AMBRA1: variants seen among roughly 807,000 people sequenced by gnomAD.
The protein encoded by AMBRA1 is activating molecule in BECN1-regulated autophagy protein 1.
A neutral mutation model predicts 125.4 loss-of-function variants in AMBRA1; 47 were observed. That is an observed-to-expected ratio of 0.37 (90% CI 0.30 to 0.48). The LOEUF (loss-of-function observed/expected upper bound fraction) is 0.48, where lower values mean the gene tolerates loss of function less well. AMBRA1 is among the 20% of genes least tolerant of loss of function. The probability of loss-of-function intolerance (pLI) is 0.99; values close to 1 mark genes in which losing one functional copy is unlikely to be tolerated. For missense variants in AMBRA1, 1,331 were observed against 1,693.4 expected (o/e 0.79, Z 3.76); for synonymous variants, 626 against 655.5 (o/e 0.95, Z 0.69).
At chr11:46,447,240 C>CA (rs58671092) in intron 11 of AMBRA1, among the ~76,000 whole-genome samples, 3,160 of 135,112 alleles carry the variant, frequency 0.023, 103 homozygotes, top group African/African-American at 0.077. Context: ...ACTCTTATCG[C>CA]AAAAAAAAAA....
intron 11 of AMBRA1, among the ~76,000 whole-genome samples, chr11:46,490,804 C>G (rs1240722900): frequency 6.6e-6 from 1 of 152,130 alleles, no homozygotes; most frequent in African/African-American, 2.4e-5. Flanking sequence ...GTCTTATTCA[C>G]TCTGGTAACC....
At chr11:46,517,786 G>A (rs1231595092) in intron 7 of AMBRA1, among the ~76,000 whole-genome samples, 53 of 145,478 alleles carry the variant, frequency 3.6e-4, no homozygotes, top group African/African-American at 1.0e-3. Context: ...AGCCAAGATC[G>A]CGCCACTGCA....
intron 7 of AMBRA1, among the ~76,000 whole-genome samples, chr11:46,531,821 C>A (rs1331400181): frequency 6.6e-6 from 1 of 151,456 alleles, no homozygotes; most frequent in East Asian, 2.0e-4. Context: ...CATTCGATAT[C>A]TAAATGTTAC....
At chr11:46,465,812 T>C (rs1359221152) in intron 11 of AMBRA1, among the ~76,000 whole-genome samples, 2 of 152,222 alleles carry the variant, frequency 1.3e-5, no homozygotes, top group Non-Finnish European at 2.9e-5. Flanking sequence ...AATGTATACA[T>C]ACAATCTTGC....
intron 1 of AMBRA1, among the ~76,000 whole-genome samples, chr11:46,588,730 G>A (rs968705593): frequency 1.3e-5 from 2 of 149,630 alleles, no homozygotes; most frequent in African/African-American, 2.5e-5. Context: ...AGCCGAGATC[G>A]CGCCATTGCA....
chr11:46,502,646 G>A (rs1433833018), intron 9 of AMBRA1, among the ~76,000 whole-genome samples: 2 of 152,148 alleles, frequency 1.3e-5, no homozygotes, highest in Non-Finnish European at 2.9e-5. Flanking sequence ...AGGAGAACTT[G>A]AAATACATGA....
intron 7 of AMBRA1, among the ~76,000 whole-genome samples, chr11:46,522,165 T>TC (rs748668868): frequency 5.3e-5 from 8 of 152,210 alleles, no homozygotes; most frequent in Admixed American, 2.6e-4. Flanking sequence ...GTCAGCCAGT[T>TC]CCCCCTGGGA....
At chr11:46,513,123 C>T (rs1286056630) in intron 7 of AMBRA1, among the ~76,000 whole-genome samples, 1 of 152,082 alleles carries the variant, frequency 6.6e-6, no homozygotes, top group African/African-American at 2.4e-5. Context: ...ATAGAAGGTT[C>T]GGATCAACAC....
At position 46,510,891 on chromosome 11, in the gene AMBRA1, G is replaced by A. The variant is rs1951230548; in HGVS notation, c.2159+1836C>T. Reference sequence around the variant, plus strand: ...ACAATCATCCTCCTAACAAAGAGCTGGAAAATCATCAAACAACCCTAGTCT... The same window carrying A: ...ACAATCATCCTCCTAACAAAGAGCTAGAAAATCATCAAACAACCCTAGTCT... On this transcript the variant is annotated intron_variant, in intron 8 of 17. Transcript: ENST00000683756. 2.0e-5 allele frequency among the ~76,000 whole-genome samples: 3 copies of A among 151,942 alleles called. No homozygotes were observed. In the South Asian group the frequency reaches 6.2e-4, roughly 32 times the overall value.
chr11:46,589,677 T>C (rs763630989), intron 1 of AMBRA1, among the ~76,000 whole-genome samples: 6 of 152,046 alleles, frequency 3.9e-5, no homozygotes, highest in Non-Finnish European at 5.9e-5. Context: ...TGGAGTGCAG[T>C]GGTGCTAACT....
At chr11:46,547,413 T>C (rs1444286913) in intron 3 of AMBRA1, 117 bp from the exon 4 acceptor site, 2 of 902,662 alleles carry the variant, frequency 2.2e-6, no homozygotes, top group Non-Finnish European at 3.3e-6. Flanking sequence ...TGAAAGAAAC[T>C]AAGCTTTGTA....
At chr11:46,450,628 A>G (rs1948540175) in intron 11 of AMBRA1, among the ~76,000 whole-genome samples, 1 of 151,924 alleles carries the variant, frequency 6.6e-6, no homozygotes, top group Non-Finnish European at 1.5e-5. Context: ...TTTTTTGTAG[A>G]GATGGGGTTT....
At chr11:46,470,641 G>A (rs138914941) in intron 11 of AMBRA1, among the ~76,000 whole-genome samples, 11 of 151,264 alleles carry the variant, frequency 7.3e-5, no homozygotes, top group East Asian at 3.9e-4. Flanking sequence ...ATGGGCCTGC[G>A]GTCCTAGCTA....
chr11:46,493,899 C>T, intron 10 of AMBRA1, 191 bp from the exon 11 acceptor site: 1 of 636,612 alleles, frequency 1.6e-6, no homozygotes, highest in Non-Finnish European at 2.7e-6. Flanking sequence ...TCTAAAGTTC[C>T]CCCAACACTT....
chr11:46,397,281 T>C lies in AMBRA1; in HGVS notation c.*169A>G, dbSNP rs1945501881. On this transcript the variant is annotated 3_prime_UTR_variant, in exon 18 of 18. Coordinates refer to ENST00000683756, the MANE Select transcript of AMBRA1 (RefSeq NM_001387011.1). Reference sequence around the variant, plus strand: ...AGTTCCCCGAGGCAGGCCTTGCCCATTTGACTGTCTTGTGCCCACTGACTG... The same window carrying C: ...AGTTCCCCGAGGCAGGCCTTGCCCACTTGACTGTCTTGTGCCCACTGACTG... 4 of 924,696 alleles carry C rather than the reference T, an allele frequency of 4.3e-6. No homozygotes were observed. The East Asian group carries it at 9.1e-5, about 21-fold the overall frequency. The allele number at this position is 924,696 out of a possible 1,614,324, so 57.3% of individuals were successfully genotyped here. A position where few individuals can be genotyped will look rare whatever the true frequency, so the allele number is the denominator to read the frequency against.
chr11:46,574,378 T>C lies in AMBRA1; in HGVS notation c.-121+19450A>G, dbSNP rs1487698737. On this transcript the variant is annotated intron_variant, in intron 1 of 17. Transcript: ENST00000683756. ...CCATTCTAACTGGTGTGAGATGGTA[T>C]CTCATTGTGGTTTTGATTTGCATTC... Among the ~76,000 whole-genome samples, 3 of 151,618 alleles carry C rather than the reference T, an allele frequency of 2.0e-5. No homozygotes were observed. The East Asian group carries it at 5.8e-4, about 29-fold the overall frequency.
chr11:46,477,536 C>T (rs1324977374), intron 11 of AMBRA1, among the ~76,000 whole-genome samples: 2 of 151,598 alleles, frequency 1.3e-5, no homozygotes, highest in Non-Finnish European at 2.9e-5. Flanking sequence ...GAGATGAGCT[C>T]TCACTATGTT....
chr11:46,561,527 A>G (rs2043337453), intron 1 of AMBRA1, among the ~76,000 whole-genome samples: 1 of 152,222 alleles, frequency 6.6e-6, no homozygotes, highest in African/African-American at 2.4e-5. Flanking sequence ...AAATTCATCT[A>G]GATTCACAGA....
Position 46,542,543 on chromosome 11 carries a change from A to C in AMBRA1, c.1474T>G (p.Ser492Ala). 1 of 1,613,184 alleles carries C rather than the reference A, an allele frequency of 6.2e-7. No homozygotes were observed. The highest frequency in any genetic ancestry group is 8.5e-7 in the Non-Finnish European group (1 of 1,180,016). ...DGGNGSSQNN[S>A]GSIRHELQCD... The stretch of plus-strand genomic sequence containing the variant: ...TGAAGCTCATGGCGAATGCTGCCCG[A>C]GTTGTTTTGGCTGGAGCCATTCCCT... The change falls in exon 7 of 18, where the codon TCG (serine) becomes GCG (alanine). Residue 492 changes from serine to alanine, a missense_variant. Physicochemically the swap from Ser to Ala is moderately conservative, Grantham distance 99. Coordinates refer to ENST00000683756, the MANE Select transcript of AMBRA1 (RefSeq NM_001387011.1). The surrounding 1 kb of genome is among the most constrained non-coding windows in gnomAD (Gnocchi z 5.9).
Sources: allele counts gnomAD v4.1 joint callset (sites outside exome capture counted in the v4.1 genomes callset), GRCh38; gene constraint gnomAD v4.1.1; non-coding constraint Gnocchi (gnomAD v3.1); transcripts MANE v1.5; gene names NCBI Gene and HGNC (gene_info 2026-07-23, HGNC 2026-07-21).